UBXN6: variants seen among roughly 807,000 people sequenced by gnomAD.
The protein encoded by UBXN6 is UBX domain-containing protein 6.
Under a neutral mutation model 51.4 loss-of-function variants are expected in UBXN6, and 44 were observed. That is an observed-to-expected ratio of 0.86 (90% CI 0.67 to 1.10). The LOEUF (loss-of-function observed/expected upper bound fraction) is 1.10, where lower values mean the gene tolerates loss of function less well. UBXN6 is among the 50% of genes least tolerant of loss of function. The pLI, the probability that UBXN6 is intolerant of heterozygous loss-of-function variation, is 0.00. For missense variants in UBXN6, 672 were observed against 596.1 expected, an observed-to-expected ratio of 1.13 and a Z score of -1.32; for synonymous variants, 316 against 263.2, an observed-to-expected ratio of 1.20 and a Z score of -1.94.
upstream of UBXN6, chr19:4,457,797 A>AATT (rs1476247344): frequency 2.0e-4 from 7 of 34,840 alleles, no homozygotes; most frequent in African/African-American, 4.7e-3. Flanking sequence ...AAGAAAATTA[A>AATT]AAAAAAAAAA....
upstream of UBXN6, chr19:4,457,819 A>ATTT: frequency 1.8e-6 from 1 of 549,778 alleles, no homozygotes; most frequent in Non-Finnish European, 2.6e-6. Flanking sequence ...AAAAAAAAAA[A>ATTT]AAAATTTACC....
At chr19:4,455,354 T>G in intron 1 of UBXN6, 1 of 949,996 alleles carries the variant, frequency 1.1e-6, no homozygotes, top group South Asian at 4.9e-5. Flanking sequence ...CCCCTGCCTA[T>G]CTAGTCCTCC....
chr19:4,452,011 T>C (rs1205406025), intron 4 of UBXN6, among the ~76,000 whole-genome samples: 2 of 150,954 alleles, frequency 1.3e-5, no homozygotes, highest in Non-Finnish European at 3.0e-5. Flanking sequence ...TAGCCAGGCA[T>C]GGTGGCAGGT....
At chr19:4,450,785 AAG>A (rs2145182365) in intron 4 of UBXN6, 2 of 146,094 alleles carry the variant, frequency 1.4e-5, no homozygotes, top group South Asian at 2.2e-4. Flanking sequence ...AAAAAAAAAA[AAG>A]AGTGCCTACA....
chr19:4,448,607 C>A (rs1004382359), intron 4 of UBXN6, 192 bp from the exon 5 acceptor site: 2 of 600,222 alleles, frequency 3.3e-6, no homozygotes, highest in Non-Finnish European at 5.9e-6. Context: ...AGGGCAGAGG[C>A]GACGCAGCCA....
chr19:4,452,633 A>G, intron 3 of UBXN6, 141 bp from the exon 4 acceptor site: 1 of 1,218,766 alleles, frequency 8.2e-7, no homozygotes, highest in African/African-American at 1.5e-5. Flanking sequence ...TGGCCGTGGG[A>G]GACACCCTGG....
chr19:4,447,107 T>TC (rs1974549555), intron 6 of UBXN6, 187 bp from the exon 7 acceptor site: 2 of 619,810 alleles, frequency 3.2e-6, no homozygotes, highest in Non-Finnish European at 2.8e-6. Flanking sequence ...CTGTGGAGTC[T>TC]CCAACAGCTC....
At position 4,446,890 on chromosome 19, in the gene UBXN6, C is replaced by T. The variant is rs760378707; in HGVS notation, c.646G>A (p.Glu216Lys). The T allele has an allele frequency of 1.8e-5, 29 of 1,613,862 alleles. No individual in the cohort carries two copies. The East Asian group carries it at 4.0e-4, about 22-fold the overall frequency. The change falls in exon 7 of 11, where the codon GAG (glutamate) becomes AAG (lysine). Residue 216 changes from glutamate to lysine, a missense_variant. By Grantham distance (56) the Glu-to-Lys change is moderately conservative. Transcript: ENST00000301281. ...ERINCLEGTH[E>K]FFEAIGFQKV... Reference sequence around the variant, plus strand: ...TGGAACCCAATGGCCTCAAAAAACTCGTGGGTCCCTTCCAGGCAGTTAATG... The same window carrying T: ...TGGAACCCAATGGCCTCAAAAAACTTGTGGGTCCCTTCCAGGCAGTTAATG...
rs201431319 is a variant in UBXN6 at position 4,452,471 on chromosome 19, C to T, written c.334G>A (p.Gly112Ser). 41 of 1,611,534 alleles carry T rather than the reference C, an allele frequency of 2.5e-5. No individual in the cohort carries two copies. In the African/African-American group the frequency reaches 4.9e-4, roughly 19 times the overall value. ...TNVVSEPREE[G>S]SAHLAVPGVY... ...CCAGGCACAGCCAGGTGGGCAGAGC[C>T]TTCCTCTCTGGGCTCAGATACCTGG... is the stretch of plus-strand genomic sequence containing the variant. The change falls in exon 4 of 11, where the codon GGC (glycine) becomes AGC (serine). Residue 112 changes from glycine (G) to serine (S), a missense_variant. Coordinates refer to ENST00000301281, the MANE Select transcript of UBXN6 (RefSeq NM_025241.3).
intron 4 of UBXN6, 108 bp from the exon 5 acceptor site, chr19:4,448,523 A>C: frequency 2.3e-6 from 2 of 876,892 alleles, no homozygotes; most frequent in Non-Finnish European, 3.6e-6. Flanking sequence ...AGCGGCTTGG[A>C]GCGGCCCCAG....
At position 4,454,095 on chromosome 19, in the gene UBXN6, TGG is replaced by T; in HGVS notation, c.84-4_84-3del. On this transcript the variant is annotated splice_polypyrimidine_tract_variant and splice_region_variant and intron_variant, in intron 1 of 10. Transcript: ENST00000301281. Reference sequence around the variant, plus strand: ...GGCTTCTCTTTGTGGGCCTTTTCCCTGGGAACAGACCGAGGGAGAGTGAGTGT... The same window carrying T: ...GGCTTCTCTTTGTGGGCCTTTTCCCTGAACAGACCGAGGGAGAGTGAGTGT... The T allele has an allele frequency of 6.5e-7, 1 of 1,545,514 alleles. No homozygotes were observed.
chr19:4,453,233 G>A (rs991366989), intron 3 of UBXN6, among the ~76,000 whole-genome samples: 6 of 152,170 alleles, frequency 3.9e-5, no homozygotes, highest in Non-Finnish European at 1.5e-5. Context: ...CGATGGGCTC[G>A]TGTACCTGAG....
chr19:4,451,219 G>C (rs528775410), intron 4 of UBXN6, among the ~76,000 whole-genome samples: 4 of 152,090 alleles, frequency 2.6e-5, no homozygotes, highest in Admixed American at 1.3e-4. Flanking sequence ...ACCACGCCTG[G>C]CTAATTTTTG....
chr19:4,445,528 C>G lies in UBXN6; in HGVS notation c.1296G>C (p.Glu432Asp). 14 of 1,613,966 alleles carry G rather than the reference C, an allele frequency of 8.7e-6. No homozygotes were observed. Among genetic ancestry groups the G allele is most frequent in the Non-Finnish European group, 1.2e-5 (14 of 1,180,008 alleles). ...GAEPDSILKP[E>D]LLSAIEKLL is the part of the protein sequence containing the mutation. ...AGAGCTTCTCGATGGCTGACAGGAG[C>G]TCGGGTTTCAGGATGGAGTCCGGCT... is the stretch of plus-strand genomic sequence containing the variant. Residue 432 changes from glutamate (E) to aspartate (D), a missense_variant, in exon 11 of 11, where the codon GAG becomes GAC. Coordinates refer to ENST00000301281, the MANE Select transcript of UBXN6 (RefSeq NM_025241.3).
At chr19:4,452,316 G>A (rs372941405) in intron 4 of UBXN6, 48 bp downstream of exon 4, 34 of 1,599,432 alleles carry the variant, frequency 2.1e-5, no homozygotes, top group Non-Finnish European at 2.7e-5. Flanking sequence ...GGTGGCTCAG[G>A]CACAGGAAGC....
chr19:4,445,455 C>T lies in UBXN6; in HGVS notation c.*43G>A. 5 of 1,612,008 alleles carry T rather than the reference C, an allele frequency of 3.1e-6. No homozygotes were observed. Among genetic ancestry groups the T allele is most frequent in the Non-Finnish European group, 4.2e-6 (5 of 1,178,982 alleles). On this transcript the variant is annotated 3_prime_UTR_variant, in exon 11 of 11. Coordinates refer to ENST00000301281, the MANE Select transcript of UBXN6 (RefSeq NM_025241.3). ...GTGGCGGGGAGAGGAACAGGGAGAG[C>T]ATGAGACAGACCCACAGGGCTGAGG...
intron 3 of UBXN6, 78 bp from the exon 4 acceptor site, chr19:4,452,570 T>C (rs1974672721): frequency 6.6e-7 from 1 of 1,506,810 alleles, no homozygotes; most frequent in African/African-American, 1.4e-5. Context: ...CAGTCCTGAG[T>C]GTGGCCCGTA....
intron 10 of UBXN6, 139 bp from the exon 11 acceptor site, chr19:4,445,762 G>A: frequency 7.2e-7 from 1 of 1,389,922 alleles, no homozygotes; most frequent in African/African-American, 1.4e-5. Context: ...TCGCACCCAG[G>A]CCTCCTGCCC....
At chr19:4,451,260 T>C (rs1458900673) in intron 4 of UBXN6, among the ~76,000 whole-genome samples, 1 of 152,174 alleles carries the variant, frequency 6.6e-6, no homozygotes, top group Non-Finnish European at 1.5e-5. Context: ...TTTCACTATG[T>C]TGACCAGGCT....
Sources: gnomAD v4.1 joint callset for allele counts (sites outside exome capture counted in the v4.1 genomes callset) on GRCh38, gnomAD v4.1.1 for gene constraint, MANE v1.5 for transcripts, NCBI Gene and HGNC (gene_info 2026-07-23, HGNC 2026-07-21) for gene names.